PPM1E: variants seen among roughly 807,000 people sequenced by gnomAD.
PPM1E encodes protein phosphatase, Mg2+/Mn2+ dependent 1E.
PPM1E carries 20 observed loss-of-function variants against 65.9 expected under a neutral mutation model. The ratio of observed to expected loss-of-function variants is 0.30; its 90% CI spans 0.21 to 0.44. The LOEUF is 0.44. PPM1E is among the 20% of genes least tolerant of loss of function. The probability of loss-of-function intolerance (pLI) is 1.00; values close to 1 mark genes in which losing one functional copy is unlikely to be tolerated. For synonymous variants in PPM1E, 352 were observed against 374.9 expected (o/e 0.94, Z 0.70); for missense variants, 713 against 953.1 (o/e 0.75, Z 3.32).
chr17:58,866,599 A>T (rs550174013), intron 1 of PPM1E, among the ~76,000 whole-genome samples: 1 of 75,750 alleles, frequency 1.3e-5, no homozygotes, highest in Admixed American at 1.2e-4. Flanking sequence ...CTCATTGTAA[A>T]TGCTGTCATT....
chr17:58,792,926 G>T (rs1462176396), intron 1 of PPM1E, among the ~76,000 whole-genome samples: 1 of 150,432 alleles, frequency 6.6e-6, no homozygotes, highest in Non-Finnish European at 1.5e-5. Flanking sequence ...GCTAATTTTT[G>T]TATTTTTAGT....
chr17:58,914,781 C>A (rs532090959), intron 1 of PPM1E, among the ~76,000 whole-genome samples: 1 of 152,092 alleles, frequency 6.6e-6, no homozygotes, highest in Non-Finnish European at 1.5e-5. Context: ...GACATCTTTG[C>A]CCACTTTACA....
chr17:58,787,258 T>G (rs748928734), intron 1 of PPM1E, among the ~76,000 whole-genome samples: 1 of 152,216 alleles, frequency 6.6e-6, no homozygotes, highest in African/African-American at 2.4e-5. Context: ...GCTCCCATAC[T>G]GGACATAAAC....
chr17:58,932,042 A>C (rs1055713319), intron 1 of PPM1E, among the ~76,000 whole-genome samples: 1 of 152,156 alleles, frequency 6.6e-6, no homozygotes, highest in African/African-American at 2.4e-5. Context: ...TTGGGAGGCC[A>C]CAGCAGGAAG....
chr17:58,874,262 C>T (rs775425835), intron 1 of PPM1E, among the ~76,000 whole-genome samples: 3 of 152,108 alleles, frequency 2.0e-5, no homozygotes, highest in East Asian at 1.9e-4. Flanking sequence ...ATCAAATCCT[C>T]GCTGTCCTGG....
intron 1 of PPM1E, among the ~76,000 whole-genome samples, chr17:58,764,175 G>A (rs532729607): frequency 4.2e-4 from 63 of 151,508 alleles, no homozygotes; most frequent in African/African-American, 1.4e-3. Context: ...TACACTTACA[G>A]TACATCCCAA....
intron 1 of PPM1E, among the ~76,000 whole-genome samples, chr17:58,791,122 C>G (rs186043841): frequency 6.6e-6 from 1 of 152,018 alleles, no homozygotes; most frequent in Non-Finnish European, 1.5e-5. Context: ...GAACTCCTGA[C>G]CTCAAGTGAT....
intron 1 of PPM1E, among the ~76,000 whole-genome samples, chr17:58,877,979 TAAA>T (rs555008507): frequency 7.4e-6 from 1 of 135,452 alleles, no homozygotes; most frequent in African/African-American, 2.7e-5. Flanking sequence ...CTTTAAAAAG[TAAA>T]AAAAAAAAAT....
At chr17:58,831,004 CTT>C (rs11448582) in intron 1 of PPM1E, among the ~76,000 whole-genome samples, 1 of 135,878 alleles carries the variant, frequency 7.4e-6, no homozygotes. Context: ...CTTACTTTAT[CTT>C]TTTTTTTTTT....
chr17:58,815,233 A>G (rs963083907), intron 1 of PPM1E, among the ~76,000 whole-genome samples: 2 of 152,240 alleles, frequency 1.3e-5, no homozygotes, highest in East Asian at 3.8e-4. Flanking sequence ...ATTATAAGAC[A>G]TTATTATAGC....
chr17:58,771,692 T>TA (rs59899938), intron 1 of PPM1E, among the ~76,000 whole-genome samples: 6 of 151,230 alleles, frequency 4.0e-5, no homozygotes, highest in South Asian at 2.1e-4. Context: ...CAGTATTCTT[T>TA]AAAAAAAAAA....
intron 1 of PPM1E, among the ~76,000 whole-genome samples, chr17:58,799,371 C>T (rs1010549857): frequency 2.0e-5 from 3 of 152,008 alleles, no homozygotes; most frequent in Middle Eastern, 6.3e-3. Context: ...CCTCCACCTC[C>T]AGAGCTCAAG....
At chr17:58,850,259 G>T (rs2050813167) in intron 1 of PPM1E, among the ~76,000 whole-genome samples, 1 of 152,112 alleles carries the variant, frequency 6.6e-6, no homozygotes, top group African/African-American at 2.4e-5. Context: ...TTTAATTGGA[G>T]CATTTAGCCC....
chr17:58,758,082 C>T (rs540738246), intron 1 of PPM1E, among the ~76,000 whole-genome samples: 2 of 152,278 alleles, frequency 1.3e-5, no homozygotes, highest in South Asian at 2.1e-4. Flanking sequence ...TAATTCTTAC[C>T]TTTACAAATG....
intron 1 of PPM1E, among the ~76,000 whole-genome samples, chr17:58,888,183 T>TCTTA (rs1177498198): frequency 2.0e-5 from 3 of 152,106 alleles, no homozygotes; most frequent in Non-Finnish European, 4.4e-5. Flanking sequence ...AACCTGAAGT[T>TCTTA]CAGAAGAGAG....
intron 1 of PPM1E, among the ~76,000 whole-genome samples, chr17:58,764,494 G>A (rs2049854195): frequency 6.6e-6 from 1 of 152,036 alleles, no homozygotes; most frequent in Non-Finnish European, 1.5e-5. Flanking sequence ...GGAGTGCAGT[G>A]GCGTGAACAC....
intron 1 of PPM1E, among the ~76,000 whole-genome samples, chr17:58,937,970 G>A (rs189123206): frequency 1.3e-5 from 2 of 151,770 alleles, no homozygotes; most frequent in African/African-American, 4.8e-5. Context: ...TGGATTCACT[G>A]CAAGGATTGA....
chr17:58,861,023 A>G (rs1490552284), intron 1 of PPM1E, among the ~76,000 whole-genome samples: 2 of 152,214 alleles, frequency 1.3e-5, no homozygotes, highest in African/African-American at 2.4e-5. Flanking sequence ...AGTGTTATCA[A>G]TAGGCCAGTA....
chr17:58,887,414 G>C (rs887529496), intron 1 of PPM1E, among the ~76,000 whole-genome samples: 1 of 152,040 alleles, frequency 6.6e-6, no homozygotes, highest in Non-Finnish European at 1.5e-5. Flanking sequence ...TGATCTGCCC[G>C]TCTCGGCCTC....
Sources: allele counts gnomAD v4.1 joint callset (sites outside exome capture counted in the v4.1 genomes callset), GRCh38; gene constraint gnomAD v4.1.1; transcripts MANE v1.5; gene names NCBI Gene and HGNC (gene_info 2026-07-23, HGNC 2026-07-21).